Variants in TBC1D24 observed in about 807,000 individuals in gnomAD.
The protein encoded by TBC1D24 is Infantile myoclonic epilepsy.
A neutral mutation model predicts 50.7 loss-of-function variants in TBC1D24; 47 were observed. The observed-to-expected ratio is 0.93, with a 90% CI of 0.73 to 1.18. The LOEUF (loss-of-function observed/expected upper bound fraction) is 1.18, where lower values mean the gene tolerates loss of function less well. Ranked by LOEUF, TBC1D24 falls within the 50% of genes most tolerant of loss-of-function variation. TBC1D24 has a pLI of 0.00. For synonymous variants in TBC1D24, 324 were observed against 335.2 expected (o/e 0.97, Z 0.36); for missense variants, 688 against 766.5 (o/e 0.90, Z 1.21).
At chr16:2,480,706 A>G (rs1209006401) in intron 1 of TBC1D24, 2 of 152,298 alleles carry the variant, frequency 1.3e-5, no homozygotes, top group South Asian at 2.1e-4. Flanking sequence ...ACCCTCTGTG[A>G]TCCCTTTCCC....
chr16:2,500,225 G>C lies in TBC1D24; in HGVS notation c.1303-43G>C. The C allele has an allele frequency of 6.6e-7, 1 of 1,518,442 alleles. No homozygotes were observed. The highest frequency in any genetic ancestry group is 1.2e-5 in the South Asian group (1 of 83,916). The allele number at this position is 1,518,442 out of a possible 1,614,324, so 94.1% of individuals were successfully genotyped here. A position where few individuals can be genotyped will look rare whatever the true frequency, so the allele number is the denominator to read the frequency against. On this transcript the variant is annotated intron_variant, in intron 6 of 7. Coordinates refer to ENST00000646147, the MANE Select transcript of TBC1D24 (RefSeq NM_001199107.2). This position sits in a 1 kb window ranked among gnomAD's most constrained non-coding sequence, Gnocchi z 8.0. ...TTGTGGCTCTGGGGCAGAGGGGCCTGCGAACGCCCGCGCCAGCTCCTCACA... is the reference window on the plus strand; with the variant it reads ...TTGTGGCTCTGGGGCAGAGGGGCCTCCGAACGCCCGCGCCAGCTCCTCACA...
In TBC1D24 at chr16:2,500,955, G is replaced by T; in HGVS notation, c.1677G>T (p.Gln559His). The T allele has an allele frequency of 6.2e-7, 1 of 1,610,064 alleles. No individual in the cohort carries two copies. ...EAWGFQDPDT[Q>H] ...GGGGCTTCCAGGACCCTGACACCCAGTGACGGCCTGTGCCACGGTGACTGA... is the reference window on the plus strand; with the variant it reads ...GGGGCTTCCAGGACCCTGACACCCATTGACGGCCTGTGCCACGGTGACTGA... The change falls in exon 8 of 8, where the codon CAG (glutamine) becomes CAT (histidine). Residue 559 changes from glutamine (Q) to histidine (H), a missense_variant. By Grantham distance (24) the Gln-to-His change is conservative (BLOSUM62 0). Coordinates refer to ENST00000646147, the MANE Select transcript of TBC1D24 (RefSeq NM_001199107.2). The surrounding 1 kb of genome is among the most constrained non-coding windows in gnomAD (Gnocchi z 8.0).
At chr16:2,494,595 G>C (rs1895797489) in intron 1 of TBC1D24, among the ~76,000 whole-genome samples, 1 of 151,834 alleles carries the variant, frequency 6.6e-6, no homozygotes, top group Non-Finnish European at 1.5e-5. Context: ...GTAGAGATGG[G>C]GTCTCACCAT....
rs796053400 is a variant in TBC1D24, at chr16:2,496,753, C to A, written c.605C>A (p.Ser202Ter). ...QAAHKLMVAV[S>*]EDVLQVYADW... The stretch of plus-strand genomic sequence containing the variant: ...GCCCACAAGCTGATGGTGGCCGTGT[C>A]GGAGGATGTCCTGCAGGTCTATGCG... Residue 202 changes from serine to a stop codon, truncating the protein, a stop_gained, in exon 2 of 8, where the codon TCG (serine) becomes TAG (stop). Transcript: ENST00000646147. LOFTEE classifies it high-confidence loss of function. 6.2e-7 allele frequency: 1 copy of A among 1,613,766 alleles called. No individual in the cohort carries two copies. The highest frequency in any genetic ancestry group is 1.7e-5 in the Admixed American group (1 of 60,002).
At position 2,498,385 on chromosome 16, in the gene TBC1D24, C is replaced by T; in HGVS notation, c.1131C>T (p.Tyr377=). 4 of 1,605,286 alleles carry T rather than the reference C, an allele frequency of 2.5e-6. No homozygotes were observed. The highest frequency in any genetic ancestry group is 8.5e-7 in the Non-Finnish European group (1 of 1,176,226). Residue 377 remains tyrosine (Y), a synonymous_variant, in exon 4 of 8, where the codon TAC becomes TAT. Transcript: ENST00000646147. Reference sequence around the variant, plus strand: ...TGTTCTCCTCCCTGCAGCACGGGTACAGCCTGGCCAGGTAACACCCCAAGG... The same window carrying T: ...TGTTCTCCTCCCTGCAGCACGGGTATAGCCTGGCCAGGTAACACCCCAAGG... ...LLLFSSLQHG[Y]SLARFYFQCE...
rs781531942 is a variant in TBC1D24 at position 2,505,278 on chromosome 16, T to C, written c.*4320T>C. 1.3e-5 allele frequency: 2 copies of C among 152,358 alleles called. No individual in the cohort carries two copies. The highest frequency in any genetic ancestry group is 1.9e-4 in the East Asian group (1 of 5,192). The allele number at this position is 152,358 out of a possible 1,614,324, so 9.4% of individuals were successfully genotyped here. ...GTTAGGTACAATGTAATGTGATTCA[T>C]TGCTAAAAACAAAATGCCTCCCACA... On this transcript the variant is annotated 3_prime_UTR_variant, in exon 8 of 8. Transcript: ENST00000646147.
rs769201984 is a variant in TBC1D24, at chr16:2,497,003, G to T, written c.855G>T (p.Leu285=). The T allele has an allele frequency of 9.3e-6, 15 of 1,613,792 alleles. No individual in the cohort carries two copies. The South Asian group carries it at 1.6e-4, about 18-fold the overall frequency. The change falls in exon 2 of 8, where the codon CTG becomes CTT. Residue 285 remains leucine, a synonymous_variant. Transcript: ENST00000646147. ...CGAAGACGGTGTCCCCTGAGAAGCT[G>T]CTGGAGAAAGCGTTCGCCATCCGCC... ...DIAKTVSPEK[L]LEKAFAIRLF... is the part of the protein sequence containing the mutation.
chr16:2,494,822 G>C (rs2065723958), intron 1 of TBC1D24, among the ~76,000 whole-genome samples: 1 of 152,086 alleles, frequency 6.6e-6, no homozygotes, highest in African/African-American at 2.4e-5. Flanking sequence ...ATACTCCAAA[G>C]TTTGTAACGG....
chr16:2,494,528 G>A (rs1329220545), intron 1 of TBC1D24, among the ~76,000 whole-genome samples: 1 of 152,138 alleles, frequency 6.6e-6, no homozygotes, highest in Non-Finnish European at 1.5e-5. Context: ...TTAGGAGCCT[G>A]GAGTGGACCA....
rs1421473264 is a variant in TBC1D24 at position 2,483,445 on chromosome 16, A to C, written c.-116+8275A>C. On this transcript the variant is annotated intron_variant, in intron 1 of 7. Coordinates refer to ENST00000646147, the MANE Select transcript of TBC1D24 (RefSeq NM_001199107.2). The surrounding 1 kb of genome is among the most constrained non-coding windows in gnomAD (Gnocchi z 4.0). ...CCAGGCTGAGCTGGCAAGAGAGAAA[A>C]GCCAGAGTGGCTGGTGGATGCGGGG... 1 of 152,596 alleles carries C rather than the reference A, an allele frequency of 6.6e-6. No homozygotes were observed. Among genetic ancestry groups the C allele is most frequent in the Non-Finnish European group, 1.5e-5 (1 of 68,354 alleles). 9.5% of individuals were successfully genotyped at this position (152,596 alleles called of 1,614,324 possible).
At chr16:2,495,961 A>G in intron 1 of TBC1D24, 73 bp from the exon 2 acceptor site, 3 of 767,976 alleles carry the variant, frequency 3.9e-6, no homozygotes, top group Non-Finnish European at 6.2e-6. Flanking sequence ...ACTACACCAC[A>G]TTTGAAAAAA....
At position 2,482,675 on chromosome 16, in the gene TBC1D24, G is replaced by A. The variant is rs2065618695; in HGVS notation, c.-116+7505G>A. Among the ~76,000 whole-genome samples, 2 of 152,176 alleles carry A rather than the reference G, an allele frequency of 1.3e-5. No individual in the cohort carries two copies. Among genetic ancestry groups the A allele is most frequent in the African/African-American group, 2.4e-5 (1 of 41,432 alleles). On this transcript the variant is annotated intron_variant, in intron 1 of 7. Transcript: ENST00000646147. The surrounding 1 kb of genome is among the most constrained non-coding windows in gnomAD (Gnocchi z 5.2). Reference sequence around the variant, plus strand: ...TGGGAGTGGGAGCTGAATTGCGCTGGAGTCACATGGAGTGTGAATGTTGTG... The same window carrying A: ...TGGGAGTGGGAGCTGAATTGCGCTGAAGTCACATGGAGTGTGAATGTTGTG...
chr16:2,481,246 C>CT (rs1333464205), intron 1 of TBC1D24: 4 of 152,244 alleles, frequency 2.6e-5, no homozygotes, highest in African/African-American at 7.2e-5. Context: ...TCTTGAATGC[C>CT]TATTAAAATG....
chr16:2,489,728 G>A (rs191731866), intron 1 of TBC1D24, among the ~76,000 whole-genome samples: 226 of 152,316 alleles, frequency 1.5e-3, no homozygotes, highest in African/African-American at 4.4e-3. Flanking sequence ...CGCTGGGACC[G>A]TGATGTCCCA....
At chr16:2,478,736 C>CT (rs75754884) in intron 1 of TBC1D24, 2,683 of 145,150 alleles carry the variant, frequency 0.018, 58 homozygotes, top group African/African-American at 0.057. Flanking sequence ...GGGCTTTTTT[C>CT]TTTTTTTTTT....
rs191909062 is a variant in TBC1D24, at chr16:2,483,973, G to A, written c.-116+8803G>A. 1.3e-3 allele frequency: 197 copies of A among 152,434 alleles called. 1 individual carries two copies. Among genetic ancestry groups the A allele is most frequent in the African/African-American group, 4.6e-3 (189 of 41,532 alleles). 9.4% of individuals were successfully genotyped at this position (152,434 alleles called of 1,614,324 possible). A position where few individuals can be genotyped will look rare whatever the true frequency, so the allele number is the denominator to read the frequency against. On this transcript the variant is annotated intron_variant, in intron 1 of 7. Coordinates refer to ENST00000646147, the MANE Select transcript of TBC1D24 (RefSeq NM_001199107.2). The surrounding 1 kb of genome is among the most constrained non-coding windows in gnomAD (Gnocchi z 4.0). ...CGGTCAGACATGGTCCTATAGCTGA[G>A]GGTCTCACCAGGCAGTGGGGGCACA... is the stretch of plus-strand genomic sequence containing the variant.
At position 2,502,240 on chromosome 16, in the gene TBC1D24, T is replaced by C. The variant is rs1438964756; in HGVS notation, c.*1282T>C. On this transcript the variant is annotated 3_prime_UTR_variant, in exon 8 of 8. Coordinates refer to ENST00000646147, the MANE Select transcript of TBC1D24 (RefSeq NM_001199107.2). ...CAGGGGAGGCCTTGCCTCTGGGCAC[T>C]ATAGGGGGCAGCCCCCTGCCTTGTG... 2 of 152,452 alleles carry C rather than the reference T, an allele frequency of 1.3e-5. No homozygotes were observed. The highest frequency in any genetic ancestry group is 2.4e-5 in the African/African-American group (1 of 41,482). The allele number at this position is 152,452 out of a possible 1,614,324, so 9.4% of individuals were successfully genotyped here.
chr16:2,497,529 T>TGTC (rs1455852387), intron 2 of TBC1D24, among the ~76,000 whole-genome samples, 181 bp from the exon 3 acceptor site: 1 of 152,220 alleles, frequency 6.6e-6, no homozygotes, highest in Non-Finnish European at 1.5e-5. Flanking sequence ...GAGTTCATGG[T>TGTC]GTCTGTCCTA....
chr16:2,499,491 T>C lies in TBC1D24; in HGVS notation c.1206+71T>C. ...GGCTGGCTCTGATGGGCTCCAGGGCTGGCTCTGATGGGCTTCAGGGCCTAG... is the reference window on the plus strand; with the variant it reads ...GGCTGGCTCTGATGGGCTCCAGGGCCGGCTCTGATGGGCTTCAGGGCCTAG... On this transcript the variant is annotated intron_variant, in intron 5 of 7. Coordinates refer to ENST00000646147, the MANE Select transcript of TBC1D24 (RefSeq NM_001199107.2). This position sits in a 1 kb window ranked among gnomAD's most constrained non-coding sequence, Gnocchi z 4.0. 1.4e-6 allele frequency: 2 copies of C among 1,396,700 alleles called. No homozygotes were observed. Among genetic ancestry groups the C allele is most frequent in the Non-Finnish European group, 2.0e-6 (2 of 998,760 alleles). The allele number at this position is 1,396,700 out of a possible 1,614,324, so 86.5% of individuals were successfully genotyped here.
Sources: allele counts gnomAD v4.1 joint callset (sites outside exome capture counted in the v4.1 genomes callset), GRCh38; gene constraint gnomAD v4.1.1; non-coding constraint Gnocchi (gnomAD v3.1); transcripts MANE v1.5; gene names NCBI Gene and HGNC (gene_info 2026-07-23, HGNC 2026-07-21).